The following ANKS1A variants were observed in gnomAD, a reference collection of about 807,000 sequenced individuals.
ANKS1A encodes the protein ankyrin repeat and sterile alpha motif domain containing 1A.
Under a neutral mutation model 120.3 loss-of-function variants are expected in ANKS1A, and 55 were observed. The ratio of observed to expected loss-of-function variants is 0.46; its 90% CI spans 0.37 to 0.57. ANKS1A has a LOEUF of 0.57. Ranked by LOEUF, ANKS1A falls within the 20% of genes least tolerant of loss-of-function variation. The probability of loss-of-function intolerance (pLI) is 0.00; values close to 1 mark genes in which losing one functional copy is unlikely to be tolerated. For missense variants in ANKS1A, 1,123 were observed against 1,480.3 expected (o/e 0.76, Z 3.96); for synonymous variants, 590 against 604.7 (o/e 0.98, Z 0.36).
chr6:34,893,575 A>T (rs1339277359), intron 1 of ANKS1A, among the ~76,000 whole-genome samples: 1 of 152,208 alleles, frequency 6.6e-6, no homozygotes, highest in Admixed American at 6.5e-5. Context: ...AGGCCAAGTG[A>T]TTGCTAGATG....
intron 11 of ANKS1A, among the ~76,000 whole-genome samples, chr6:35,019,596 A>G (rs1246073101): frequency 6.6e-6 from 1 of 152,204 alleles, no homozygotes; most frequent in East Asian, 1.9e-4. Flanking sequence ...GAAAGTCACT[A>G]TGAGTGAGAT....
At chr6:35,071,142 A>G (rs1007566845) in intron 13 of ANKS1A, 1 of 287,102 alleles carries the variant, frequency 3.5e-6, no homozygotes, top group Non-Finnish European at 6.7e-6. Flanking sequence ...TGTGACCTGT[A>G]AGGCCACCAC....
intron 11 of ANKS1A, among the ~76,000 whole-genome samples, chr6:35,041,312 C>G (rs1775446374): frequency 6.6e-6 from 1 of 152,202 alleles, no homozygotes; most frequent in South Asian, 2.1e-4. Context: ...ACAGCTGAGA[C>G]TGGTGGGCTG....
chr6:35,040,679 C>G (rs1198461456), intron 11 of ANKS1A, among the ~76,000 whole-genome samples: 1 of 152,232 alleles, frequency 6.6e-6, no homozygotes, highest in Non-Finnish European at 1.5e-5. Context: ...TCTCTCTACA[C>G]CAGTTCACTT....
intron 10 of ANKS1A, among the ~76,000 whole-genome samples, chr6:34,994,710 A>G (rs565334179): frequency 7.2e-5 from 11 of 152,326 alleles, no homozygotes; most frequent in Non-Finnish European, 1.3e-4. Context: ...CACGGCAGAG[A>G]TTGATTTGGG....
intron 8 of ANKS1A, among the ~76,000 whole-genome samples, chr6:34,986,790 A>G (rs1772228355): frequency 6.6e-6 from 1 of 152,264 alleles, no homozygotes; most frequent in African/African-American, 2.4e-5. Context: ...TGAGCGGTGA[A>G]AGCAAGTGCA....
rs561380368 is a variant in ANKS1A, at chr6:35,065,295, A to G, written c.2184+5042A>G. ...TCAGGAGCCCTCCTCTGACTGCCCC[A>G]GGTACTGCTCTGGCCTTCTCCAGTC... On this transcript the variant is annotated intron_variant, in intron 13 of 23. Coordinates refer to ENST00000360359, the MANE Select transcript of ANKS1A (RefSeq NM_015245.3). Among the ~76,000 whole-genome samples the G allele has an allele frequency of 2.1e-3, 317 of 152,268 alleles. 3 individuals carry two copies. Among genetic ancestry groups the G allele is most frequent in the Middle Eastern group, 6.8e-3 (2 of 294 alleles).
chr6:35,078,060 C>A (rs925781831), intron 13 of ANKS1A, among the ~76,000 whole-genome samples: 12 of 152,158 alleles, frequency 7.9e-5, no homozygotes, highest in African/African-American at 2.9e-4. Context: ...GACAAGGACG[C>A]CCTTTTCTGA....
chr6:35,096,423 G>A, the ANKS1A span, among the ~76,000 whole-genome samples: 1 of 152,162 alleles, frequency 6.6e-6, no homozygotes, highest in Non-Finnish European at 1.5e-5. Context: ...GTCTTTTCTG[G>A]AGAATTTACT....
intron 1 of ANKS1A, among the ~76,000 whole-genome samples, chr6:34,960,306 C>T (rs1770570416): frequency 6.6e-6 from 1 of 152,116 alleles, no homozygotes; most frequent in African/African-American, 2.4e-5. Flanking sequence ...TCACTTTTGG[C>T]CCTTATCACC....
At chr6:35,097,639 A>G in the ANKS1A span, among the ~76,000 whole-genome samples, 4 of 27,712 alleles carry the variant, frequency 1.4e-4, no homozygotes, top group African/African-American at 2.6e-4. Flanking sequence ...AGCCAAAAGA[A>G]AAAAAAAAAA....
At chr6:35,092,634 A>G (rs1251076519), downstream of ANKS1A, among the ~76,000 whole-genome samples, 1 of 152,212 alleles carries the variant, frequency 6.6e-6, no homozygotes, top group East Asian at 1.9e-4. Context: ...AAGAAACCTG[A>G]CAGCCAGAAG....
chr6:35,015,835 G>T (rs1202461559), intron 10 of ANKS1A, among the ~76,000 whole-genome samples: 1 of 152,246 alleles, frequency 6.6e-6, no homozygotes, highest in Non-Finnish European at 1.5e-5. Flanking sequence ...CTGTGTTTTA[G>T]TACATTGTGT....
intron 19 of ANKS1A, 94 bp from the exon 20 acceptor site, chr6:35,083,323 A>C (rs921915535): frequency 1.3e-6 from 2 of 1,595,160 alleles, no homozygotes; most frequent in Non-Finnish European, 1.7e-6. Context: ...CTGCTGCACT[A>C]TGTAAGGATG....
At chr6:35,033,610 T>G (rs751642520) in intron 11 of ANKS1A, among the ~76,000 whole-genome samples, 63 of 152,246 alleles carry the variant, frequency 4.1e-4, no homozygotes, top group Middle Eastern at 3.2e-3. Flanking sequence ...TCAATTAGAT[T>G]TTGGCCTTCT....
At chr6:34,916,070 G>T (rs1281380543) in intron 1 of ANKS1A, among the ~76,000 whole-genome samples, 1 of 143,072 alleles carries the variant, frequency 7.0e-6, no homozygotes. Context: ...TCGGCTCACT[G>T]CAACCTCCAC....
At chr6:35,021,396 A>G (rs1489538323) in intron 11 of ANKS1A, among the ~76,000 whole-genome samples, 1 of 152,204 alleles carries the variant, frequency 6.6e-6, no homozygotes, top group African/African-American at 2.4e-5. Flanking sequence ...GTGCAGGACC[A>G]CAGATGGGCT....
intron 23 of ANKS1A, among the ~76,000 whole-genome samples, chr6:35,087,648 C>T (rs1416581921): frequency 2.6e-5 from 4 of 152,258 alleles, no homozygotes; most frequent in African/African-American, 9.6e-5. Context: ...TGGCCTCACT[C>T]TCATGGCTAG....
At chr6:34,911,103 C>T (rs1175882103) in intron 1 of ANKS1A, among the ~76,000 whole-genome samples, 7 of 152,070 alleles carry the variant, frequency 4.6e-5, no homozygotes, top group Admixed American at 1.3e-4. Context: ...GGTATGGTAA[C>T]TATTTTTTTA....
Sources: allele counts gnomAD v4.1 joint callset (sites outside exome capture counted in the v4.1 genomes callset), GRCh38; gene constraint gnomAD v4.1.1; transcripts MANE v1.5; gene names NCBI Gene and HGNC (gene_info 2026-07-23, HGNC 2026-07-21).